Variants in SLC4A4 observed in about 807,000 individuals in gnomAD.
SLC4A4 encodes electrogenic sodium bicarbonate cotransporter 1.
In SLC4A4, 27 loss-of-function variants were observed where a neutral mutation model predicts 111.5. That is an observed-to-expected ratio of 0.24 (90% CI 0.18 to 0.33). The LOEUF (loss-of-function observed/expected upper bound fraction) is 0.33, where lower values mean the gene tolerates loss of function less well. SLC4A4 is among the 10% of genes least tolerant of loss of function. The pLI is 1.00. For missense variants in SLC4A4, 909 were observed against 1,315.5 expected (o/e 0.69, Z 4.78); for synonymous variants, 443 against 463.4 (o/e 0.96, Z 0.57).
At chr4:71,191,332 A>G (rs1745723891) in intron 1 of SLC4A4, among the ~76,000 whole-genome samples, 1 of 152,254 alleles carries the variant, frequency 6.6e-6, no homozygotes, top group East Asian at 1.9e-4. Context: ...AAACCAAAAC[A>G]TCATCTTGTT....
At chr4:71,335,779 A>G (rs1728388927) in intron 3 of SLC4A4, among the ~76,000 whole-genome samples, 1 of 151,982 alleles carries the variant, frequency 6.6e-6, no homozygotes, top group Non-Finnish European at 1.5e-5. Context: ...GAGCTGAGTT[A>G]GCGCCACTGC....
At position 71,236,618 on chromosome 4, in the gene SLC4A4, C is replaced by T; in HGVS notation, c.42C>T (p.Leu14=). ...EAVLDRGASF[L]KHVCDEEEVE... ...TCCTGGACAGAGGGGCTTCCTTCCT[C>T]AAGCATGTGTGTGATGAAGAAGAAG... The change falls in exon 2 of 26, where the codon CTC becomes CTT. Residue 14 remains leucine, a synonymous_variant. Coordinates refer to ENST00000264485, the MANE Select transcript of SLC4A4 (RefSeq NM_001098484.3). 6.2e-7 allele frequency: 1 copy of T among 1,613,886 alleles called. No individual in the cohort carries two copies. The highest frequency in any genetic ancestry group is 8.5e-7 in the Non-Finnish European group (1 of 1,179,828).
At chr4:71,218,688 A>C (rs916931628) in intron 1 of SLC4A4, among the ~76,000 whole-genome samples, 2 of 152,126 alleles carry the variant, frequency 1.3e-5, no homozygotes, top group Non-Finnish European at 2.9e-5. Flanking sequence ...TGCATCTTTA[A>C]ATCTCAGTTT....
At chr4:71,172,312 G>A (rs909792986) in intron 2 of SLC4A4, among the ~76,000 whole-genome samples, 3 of 150,326 alleles carry the variant, frequency 2.0e-5, no homozygotes, top group Non-Finnish European at 4.4e-5. Flanking sequence ...CTGGAGTGCA[G>A]TGGCGTGATC....
At chr4:71,296,240 G>C (rs560640458) in intron 3 of SLC4A4, among the ~76,000 whole-genome samples, 5 of 152,082 alleles carry the variant, frequency 3.3e-5, no homozygotes, top group South Asian at 2.1e-4. Context: ...GGAGCAGAAA[G>C]TGAAAGTCTC....
At chr4:71,263,459 A>G (rs895926205) in intron 3 of SLC4A4, among the ~76,000 whole-genome samples, 5 of 152,232 alleles carry the variant, frequency 3.3e-5, no homozygotes, top group Non-Finnish European at 7.3e-5. Flanking sequence ...CTTTTGAATC[A>G]TGTTCTGCAA....
chr4:71,370,208 G>T (rs973693920), intron 6 of SLC4A4, among the ~76,000 whole-genome samples: 2 of 152,160 alleles, frequency 1.3e-5, no homozygotes, highest in African/African-American at 4.8e-5. Context: ...TAAGTAACTT[G>T]CCTAGATCAC....
At chr4:71,500,484 T>C (rs908793376) in intron 16 of SLC4A4, among the ~76,000 whole-genome samples, 2 of 152,144 alleles carry the variant, frequency 1.3e-5, no homozygotes, top group Non-Finnish European at 2.9e-5. Context: ...CTGGCTATTT[T>C]CTTTTTTTTG....
chr4:71,211,171 T>C (rs1718110441), intron 1 of SLC4A4, among the ~76,000 whole-genome samples: 2 of 152,176 alleles, frequency 1.3e-5, no homozygotes, highest in Non-Finnish European at 2.9e-5. Context: ...CACAAAACAG[T>C]TTATCTTTTT....
At chr4:71,175,535 C>T (rs750204718) in intron 2 of SLC4A4, among the ~76,000 whole-genome samples, 8 of 152,224 alleles carry the variant, frequency 5.3e-5, no homozygotes, top group Non-Finnish European at 1.0e-4. Context: ...GATTATATCC[C>T]GCGCGTGGCT....
chr4:71,096,750 A>G (rs1259276336), intron 2 of SLC4A4, among the ~76,000 whole-genome samples: 2 of 152,222 alleles, frequency 1.3e-5, no homozygotes, highest in Middle Eastern at 3.2e-3. Flanking sequence ...AACAATGAAT[A>G]ATGTTAAGTG....
intron 20 of SLC4A4, among the ~76,000 whole-genome samples, chr4:71,554,930 T>C (rs1736343743): frequency 6.6e-6 from 1 of 151,786 alleles, no homozygotes; most frequent in African/African-American, 2.4e-5. Context: ...CCAATGAAAA[T>C]TGAAAGTCCA....
At chr4:71,454,366 AC>A (rs1726031783) in intron 12 of SLC4A4, among the ~76,000 whole-genome samples, 1 of 152,188 alleles carries the variant, frequency 6.6e-6, no homozygotes, top group East Asian at 1.9e-4. Context: ...GTCCCAAATT[AC>A]TTTTAGTTGG....
chr4:71,505,313 G>A (rs1731311650), intron 16 of SLC4A4, among the ~76,000 whole-genome samples: 1 of 151,932 alleles, frequency 6.6e-6, no homozygotes, highest in Admixed American at 6.6e-5. Context: ...ATCCAGTAAT[G>A]GATATATACC....
At chr4:71,338,935 G>A (rs1188268254) in intron 3 of SLC4A4, 29 of 615,194 alleles carry the variant, frequency 4.7e-5, no homozygotes, top group South Asian at 8.5e-5. Context: ...GGTGGGAGGC[G>A]GGGACTTGGG....
rs532737077 is a variant in SLC4A4 at position 71,117,037 on chromosome 4, C to T, written c.-2+24245C>T. On this transcript the variant is annotated intron_variant, in intron 2 of 26. Transcript: ENST00000649996. ...TATTGTCCAGGCTTGAGTACAGTGGCGTGACCATGGCTCACTAAAGCCCCA... is the reference window on the plus strand; with the variant it reads ...TATTGTCCAGGCTTGAGTACAGTGGTGTGACCATGGCTCACTAAAGCCCCA... 8.5e-5 allele frequency among the ~76,000 whole-genome samples: 13 copies of T among 152,080 alleles called. No homozygotes were observed. The East Asian group carries it at 1.7e-3, about 20-fold the overall frequency.
chr4:71,223,867 C>T (rs1178670887), intron 1 of SLC4A4, among the ~76,000 whole-genome samples: 1 of 152,124 alleles, frequency 6.6e-6, no homozygotes, highest in Non-Finnish European at 1.5e-5. Flanking sequence ...CCCTTCCGAA[C>T]TCAGATTTTC....
intron 2 of SLC4A4, among the ~76,000 whole-genome samples, chr4:71,181,175 T>G (rs1745280305): frequency 8.2e-6 from 1 of 122,516 alleles, no homozygotes; most frequent in Non-Finnish European, 1.6e-5. Context: ...TGAGAACACA[T>G]GGACACAGGA....
chr4:71,528,200 G>C (rs1466050589), intron 16 of SLC4A4, among the ~76,000 whole-genome samples: 1 of 152,102 alleles, frequency 6.6e-6, no homozygotes. Flanking sequence ...CGGATCCACT[G>C]ATAGTTCTGC....
Sources: gnomAD v4.1 joint callset for allele counts (sites outside exome capture counted in the v4.1 genomes callset) on GRCh38, gnomAD v4.1.1 for gene constraint, MANE v1.5 for transcripts, NCBI Gene and HGNC (gene_info 2026-07-23, HGNC 2026-07-21) for gene names.